Variants in KMT2A observed in about 807,000 individuals in gnomAD.
The protein encoded by KMT2A is histone-lysine N-methyltransferase 2A.
In KMT2A, 16 loss-of-function variants were observed where a neutral mutation model predicts 345.3. The observed-to-expected ratio is 0.05, with a 90% CI of 0.03 to 0.07. KMT2A has a LOEUF of 0.07. Among genes scored for constraint, KMT2A ranks in the 10% least tolerant of loss-of-function variants. The pLI, the probability that KMT2A is intolerant of heterozygous loss-of-function variation, is 1.00. For missense variants in KMT2A, 3,272 were observed against 4,841.6 expected, an observed-to-expected ratio of 0.68 and a Z score of 9.62; for synonymous variants, 1,599 against 1,778.6, an observed-to-expected ratio of 0.90 and a Z score of 2.54.
At position 118,490,918 on chromosome 11, in the gene KMT2A, C is replaced by T. The variant is rs1565293427; in HGVS notation, c.4697-278C>T. On this transcript the variant is annotated intron_variant, in intron 13 of 35. Coordinates refer to ENST00000534358, the MANE Select transcript of KMT2A (RefSeq NM_001197104.2). This position sits in a 1 kb window ranked among gnomAD's most constrained non-coding sequence, Gnocchi z 4.2. ...AGAAACTTCTCTCTTCCATTCTTTT[C>T]TATTGTTTTATCTTTAAAATCTACC... Among the ~76,000 whole-genome samples, 2 of 152,108 alleles carry T rather than the reference C, an allele frequency of 1.3e-5. No individual in the cohort carries two copies. Among genetic ancestry groups the T allele is most frequent in the African/African-American group, 4.8e-5 (2 of 41,430 alleles).
intron 31 of KMT2A, among the ~76,000 whole-genome samples, chr11:118,518,333 T>G (rs1950868920): frequency 6.6e-6 from 1 of 152,194 alleles, no homozygotes; most frequent in Non-Finnish European, 1.5e-5. Flanking sequence ...CTTATATAAA[T>G]GTTGTTTTCA....
At position 118,519,364 on chromosome 11, in the gene KMT2A, A is replaced by G. The variant is rs1241041024; in HGVS notation, c.11147-254A>G. The G allele has an allele frequency of 1.4e-5, 6 of 414,144 alleles. No homozygotes were observed. In the Admixed American group the frequency reaches 2.2e-4, roughly 15 times the overall value. 25.7% of individuals were successfully genotyped at this position (414,144 alleles called of 1,614,324 possible). On this transcript the variant is annotated intron_variant, in intron 31 of 35. Transcript: ENST00000534358. ...CATTAGCATATAGCATTTCTGTGTA[A>G]TAAAGCAAAATAGTCCATAGTTTGG...
chr11:118,483,893 A>T (rs1407265780), intron 8 of KMT2A, among the ~76,000 whole-genome samples: 1 of 151,938 alleles, frequency 6.6e-6, no homozygotes, highest in Non-Finnish European at 1.5e-5. Flanking sequence ...TCAACTAGGC[A>T]TGGTGGCATG....
chr11:118,500,452 T>A (rs1261762429), intron 24 of KMT2A, among the ~76,000 whole-genome samples: 1 of 152,234 alleles, frequency 6.6e-6, no homozygotes, highest in Non-Finnish European at 1.5e-5. Flanking sequence ...ATGCTCCAAC[T>A]TACTCTGTAT....
At chr11:118,513,304 G>T (rs1324228369) in intron 31 of KMT2A, among the ~76,000 whole-genome samples, 1 of 151,922 alleles carries the variant, frequency 6.6e-6, no homozygotes, top group African/African-American at 2.4e-5. Flanking sequence ...ACCTTCCATT[G>T]ACTTTGTTTT....
At chr11:118,457,361 G>T (rs1949664386) in intron 1 of KMT2A, among the ~76,000 whole-genome samples, 1 of 145,068 alleles carries the variant, frequency 6.9e-6, no homozygotes, top group Admixed American at 7.3e-5. Context: ...TCTGCCTTCT[G>T]GGTTCAAGCG....
At chr11:118,487,082 C>T (rs1237500174) in intron 10 of KMT2A, among the ~76,000 whole-genome samples, 6 of 152,084 alleles carry the variant, frequency 3.9e-5, no homozygotes, top group East Asian at 1.9e-4. Flanking sequence ...GTCCCTATTA[C>T]GAACAACTTA....
At chr11:118,509,317 G>A in intron 29 of KMT2A, 117 bp downstream of exon 29, 2 of 815,394 alleles carry the variant, frequency 2.5e-6, no homozygotes, top group East Asian at 2.9e-5. Flanking sequence ...AAGCTCCAAA[G>A]AAGTTAAGTG....
chr11:118,513,923 A>G (rs1950744456), intron 31 of KMT2A, among the ~76,000 whole-genome samples: 1 of 147,922 alleles, frequency 6.8e-6, no homozygotes, highest in Non-Finnish European at 1.5e-5. Context: ...GGGTGACAGA[A>G]CAAGACCCTG....
At chr11:118,466,596 A>G (rs1949848384) in intron 1 of KMT2A, among the ~76,000 whole-genome samples, 1 of 152,182 alleles carries the variant, frequency 6.6e-6, no homozygotes, top group African/African-American at 2.4e-5. Flanking sequence ...TGGGTGGATC[A>G]CTTGAGGCCA....
At chr11:118,457,984 T>C (rs184713326) in intron 1 of KMT2A, among the ~76,000 whole-genome samples, 49 of 152,300 alleles carry the variant, frequency 3.2e-4, no homozygotes. Flanking sequence ...CCGATATATA[T>C]TTTAATGAGT....
intron 1 of KMT2A, among the ~76,000 whole-genome samples, chr11:118,453,416 A>G (rs1949580565): frequency 1.3e-5 from 2 of 151,078 alleles, no homozygotes; most frequent in South Asian, 4.2e-4. Context: ...TTTTTTTAAC[A>G]TTGTACTCAC....
In KMT2A at chr11:118,506,577, A is replaced by G. The variant is rs781963873; in HGVS notation, c.10685A>G (p.His3562Arg). 1 of 1,614,124 alleles carries G rather than the reference A, an allele frequency of 6.2e-7. No homozygotes were observed. ...AATGGCAAGAAGCACAAAGTTTCCC[A>G]TTTGCGGACCAGTTCTTCTGAAGCA... ...KGNGKKHKVSHLRTSSSEAHI... is the reference protein window; with the variant it reads ...KGNGKKHKVSRLRTSSSEAHI... The change falls in exon 27 of 36, where the codon CAT becomes CGT. Residue 3562 changes from histidine (H) to arginine (R), a missense_variant. His to Arg is a conservative substitution (Grantham distance 29, BLOSUM62 0). Transcript: ENST00000534358.
At position 118,524,308 on chromosome 11, in the gene KMT2A, G is replaced by T; in HGVS notation, c.*2136G>T. The T allele has an allele frequency of 5.3e-6, 1 of 188,344 alleles. No homozygotes were observed. The highest frequency in any genetic ancestry group is 8.5e-5 in the East Asian group (1 of 11,806). 11.7% of individuals were successfully genotyped at this position (188,344 alleles called of 1,614,324 possible). ...GAGGGTGGGGCACCCTTTTCTCGCC[G>T]CAAGAAGCCCATTCCTATGGAAGTC... On this transcript the variant is annotated 3_prime_UTR_variant, in exon 36 of 36. Transcript: ENST00000534358.
At chr11:118,489,703 G>C (rs1555041947) in intron 11 of KMT2A, 89 bp from the exon 12 acceptor site, 1 of 1,003,586 alleles carries the variant, frequency 1.0e-6, no homozygotes, top group Admixed American at 1.9e-5. Context: ...GTACTTACTT[G>C]CCAGTAAATG....
In KMT2A at chr11:118,473,716, A is replaced by C. The variant is rs377739026; in HGVS notation, c.2557A>C (p.Lys853Gln). 8.7e-6 allele frequency: 14 copies of C among 1,614,192 alleles called. No individual in the cohort carries two copies. Among genetic ancestry groups the C allele is most frequent in the Non-Finnish European group, 1.1e-5 (13 of 1,180,020 alleles). The stretch of plus-strand genomic sequence containing the variant: ...GACTGAAAGAGGGAGAAATAAAGAC[A>C]AGGCCCCCGAGGAGCTGTCCAAAGA... Reference protein sequence around the residue: ...SQTERGRNKDKAPEELSKDRD... With the variant: ...SQTERGRNKDQAPEELSKDRD... Residue 853 changes from lysine to glutamine, a missense_variant, in exon 3 of 36, where the codon AAG (lysine) becomes CAG (glutamine). By Grantham distance (53) the Lys-to-Gln change is moderately conservative (BLOSUM62 1). This residue lies in a region of KMT2A where 209 missense variants were observed against 237.4 expected (regional missense o/e 0.88). Transcript: ENST00000534358. This position sits in a 1 kb window ranked among gnomAD's most constrained non-coding sequence, Gnocchi z 5.2.
chr11:118,452,559 A>C (rs958733306), intron 1 of KMT2A, among the ~76,000 whole-genome samples: 9 of 152,050 alleles, frequency 5.9e-5, no homozygotes, highest in Non-Finnish European at 1.2e-4. Context: ...CCCTCCTGTT[A>C]AAATGGAACT....
chr11:118,514,404 A>G (rs368607157), intron 31 of KMT2A, among the ~76,000 whole-genome samples: 2 of 149,230 alleles, frequency 1.3e-5, no homozygotes, highest in East Asian at 3.9e-4. Context: ...CTGCAGCCAC[A>G]CTACACTATT....
chr11:118,522,653 A>G lies in KMT2A; in HGVS notation c.*481A>G. 1 of 225,096 alleles carries G rather than the reference A, an allele frequency of 4.4e-6. No homozygotes were observed. 13.9% of individuals were successfully genotyped at this position (225,096 alleles called of 1,614,324 possible). ...GCCCCACCTACAGCGTCTGTCGAAC[A>G]AACAGAGGTCTGGTGGTTTTCCCTA... On this transcript the variant is annotated 3_prime_UTR_variant, in exon 36 of 36. Coordinates refer to ENST00000534358, the MANE Select transcript of KMT2A (RefSeq NM_001197104.2). The surrounding 1 kb of genome is among the most constrained non-coding windows in gnomAD (Gnocchi z 5.4).
Sources: allele counts gnomAD v4.1 joint callset (sites outside exome capture counted in the v4.1 genomes callset), GRCh38; gene constraint gnomAD v4.1.1; regional missense constraint gnomAD v4.1.1; non-coding constraint Gnocchi (gnomAD v3.1); transcripts MANE v1.5; gene names NCBI Gene and HGNC (gene_info 2026-07-23, HGNC 2026-07-21).